PTPRG: variants seen among roughly 807,000 people sequenced by gnomAD.
PTPRG encodes receptor-type tyrosine-protein phosphatase gamma.
Under a neutral mutation model 165.3 loss-of-function variants are expected in PTPRG, and 102 were observed. That is an observed-to-expected ratio of 0.62 (90% CI 0.53 to 0.73). PTPRG has a LOEUF of 0.73. Among genes scored for constraint, PTPRG ranks in the 30% least tolerant of loss-of-function variants. The pLI is 0.00. For missense variants in PTPRG, 1,866 were observed against 1,861.4 expected (o/e 1.00, Z -0.05); for synonymous variants, 675 against 669.5 (o/e 1.01, Z -0.13).
At chr3:62,061,123 C>A (rs1700795788) in intron 4 of PTPRG, among the ~76,000 whole-genome samples, 1 of 152,176 alleles carries the variant, frequency 6.6e-6, no homozygotes, top group Non-Finnish European at 1.5e-5. Flanking sequence ...GTTTTAGCAT[C>A]CCTTGATTTA....
At chr3:61,674,852 C>T (rs1342292085) in intron 1 of PTPRG, among the ~76,000 whole-genome samples, 1 of 152,012 alleles carries the variant, frequency 6.6e-6, no homozygotes, top group Non-Finnish European at 1.5e-5. Flanking sequence ...TGCTTTTTTG[C>T]CTCTAAAAGA....
intron 5 of PTPRG, among the ~76,000 whole-genome samples, chr3:62,119,471 T>C (rs1468060312): frequency 6.6e-6 from 1 of 152,148 alleles, no homozygotes; most frequent in Non-Finnish European, 1.5e-5. Flanking sequence ...AGTGAAATGC[T>C]CCGAGTATTT....
In PTPRG at chr3:62,195,065, G is replaced by A. The variant is rs1699925356; in HGVS notation, c.1222G>A (p.Ala408Thr). The A allele has an allele frequency of 1.2e-6, 2 of 1,614,036 alleles. No homozygotes were observed. Among genetic ancestry groups the A allele is most frequent in the African/African-American group, 2.7e-5 (2 of 75,036 alleles). Residue 408 changes from alanine to threonine, a missense_variant, in exon 10 of 30, where the codon GCC becomes ACC. By Grantham distance (58) the Ala-to-Thr change is moderately conservative. Around this residue, in one of 3 missense-constraint regions of PTPRG, gnomAD observed 1,452 missense variants for 1,463.0 expected, o/e 0.99. Transcript: ENST00000474889. The surrounding 1 kb of genome is among the most constrained non-coding windows in gnomAD (Gnocchi z 4.4). ...FTKDSDKDLK[A>T]TISHVSPDSL... is the part of the protein sequence containing the mutation. ...CTTTTTCCTTCTTTACTTACAGAAA[G>A]CCACCATTAGCCATGTCTCACCCGA...
chr3:61,665,625 G>A (rs35289930), intron 1 of PTPRG, among the ~76,000 whole-genome samples: 147,948 of 152,020 alleles, frequency 0.97, 72,072 homozygotes, highest in Non-Finnish European at 1. Context: ...TGGAGTTTAG[G>A]CCAGGCTAGG....
intron 1 of PTPRG, among the ~76,000 whole-genome samples, chr3:61,655,997 T>G (rs1032301173): frequency 6.6e-6 from 1 of 151,974 alleles, no homozygotes; most frequent in African/African-American, 2.4e-5. Flanking sequence ...GGAGGATTGC[T>G]TCAGGCCCTG....
At chr3:61,817,952 T>G (rs2035837447) in intron 2 of PTPRG, among the ~76,000 whole-genome samples, 2 of 151,538 alleles carry the variant, frequency 1.3e-5, no homozygotes, top group South Asian at 4.2e-4. Context: ...GCGGTGAGAG[T>G]CAAGTATAGA....
intron 2 of PTPRG, among the ~76,000 whole-genome samples, chr3:61,981,671 T>C (rs1395489391): frequency 1.3e-5 from 2 of 152,198 alleles, no homozygotes; most frequent in Admixed American, 1.3e-4. Context: ...TCAGCTGGAC[T>C]ATCAACAAAT....
At chr3:61,773,738 T>G (rs76436221) in intron 2 of PTPRG, among the ~76,000 whole-genome samples, 6 of 151,986 alleles carry the variant, frequency 3.9e-5, no homozygotes, top group Non-Finnish European at 7.4e-5. Context: ...GAAAAAAAAT[T>G]GTCATGTAAA....
chr3:61,826,961 C>T (rs766879468), intron 2 of PTPRG, among the ~76,000 whole-genome samples: 5 of 151,956 alleles, frequency 3.3e-5, no homozygotes, highest in Non-Finnish European at 5.9e-5. Flanking sequence ...CGTATGGTAG[C>T]CTTACTTATC....
chr3:62,104,900 A>T (rs1702419291), intron 5 of PTPRG, among the ~76,000 whole-genome samples: 1 of 152,230 alleles, frequency 6.6e-6, no homozygotes, highest in Non-Finnish European at 1.5e-5. Flanking sequence ...CATTGAAAAA[A>T]GCCTAGAAGT....
intron 1 of PTPRG, among the ~76,000 whole-genome samples, chr3:61,668,454 G>A (rs975220996): frequency 2.0e-5 from 3 of 152,034 alleles, no homozygotes; most frequent in African/African-American, 4.8e-5. Flanking sequence ...TGTTTTTCTC[G>A]CTGCTTTTCT....
intron 2 of PTPRG, among the ~76,000 whole-genome samples, chr3:61,801,310 A>G (rs1408371731): frequency 1.1e-4 from 16 of 149,380 alleles, no homozygotes; most frequent in Admixed American, 6.7e-5. Context: ...GTGTGTGTGT[A>G]ATTTTTTTTT....
intron 28 of PTPRG, among the ~76,000 whole-genome samples, chr3:62,290,578 GACAA>G (rs774432640): frequency 1.3e-5 from 2 of 152,086 alleles, no homozygotes; most frequent in South Asian, 2.1e-4. Flanking sequence ...ACAAAAAATA[GACAA>G]ACAGAATAAA....
intron 8 of PTPRG, among the ~76,000 whole-genome samples, chr3:62,175,198 G>C (rs1705369267): frequency 6.6e-6 from 1 of 152,178 alleles, no homozygotes; most frequent in Admixed American, 6.5e-5. Flanking sequence ...TTTTAATGTA[G>C]CATTAAATAT....
intron 2 of PTPRG, among the ~76,000 whole-genome samples, chr3:61,947,810 C>T: frequency 6.6e-6 from 1 of 152,188 alleles, no homozygotes; most frequent in East Asian, 1.9e-4. Flanking sequence ...TTGGACCAGT[C>T]ACCGCATCTA....
chr3:61,724,634 A>C (rs946960003), intron 1 of PTPRG, among the ~76,000 whole-genome samples: 3 of 151,992 alleles, frequency 2.0e-5, no homozygotes, highest in Non-Finnish European at 2.9e-5. Flanking sequence ...GTTTTTTTGC[A>C]TCCACCCCAG....
chr3:61,705,972 A>G (rs1265560142), intron 1 of PTPRG, among the ~76,000 whole-genome samples: 1 of 152,092 alleles, frequency 6.6e-6, no homozygotes, highest in Middle Eastern at 3.2e-3. Flanking sequence ...CTTGTTTCAT[A>G]TTGTTCTGTT....
intron 5 of PTPRG, among the ~76,000 whole-genome samples, chr3:62,124,864 TTTC>T: frequency 6.6e-6 from 1 of 152,322 alleles, no homozygotes; most frequent in East Asian, 1.9e-4. Flanking sequence ...GGCCAGAATC[TTTC>T]ATAACATTGC....
chr3:61,933,425 C>G (rs970206866), intron 2 of PTPRG, among the ~76,000 whole-genome samples: 1 of 152,164 alleles, frequency 6.6e-6, no homozygotes, highest in Admixed American at 6.5e-5. Flanking sequence ...ACTCAGTTTT[C>G]TCATCTATAA....
Sources: gnomAD v4.1 joint callset for allele counts (sites outside exome capture counted in the v4.1 genomes callset) on GRCh38, gnomAD v4.1.1 for gene constraint, gnomAD v4.1.1 regional missense constraint, Gnocchi (gnomAD v3.1) non-coding constraint, MANE v1.5 for transcripts, NCBI Gene and HGNC (gene_info 2026-07-23, HGNC 2026-07-21) for gene names.